Variants in BABAM2 observed in about 807,000 individuals in gnomAD.
BABAM2 encodes BRISC and BRCA1 A complex member 2.
BABAM2 carries 31 observed loss-of-function variants against 54.7 expected under a neutral mutation model. That is an observed-to-expected ratio of 0.57 (90% CI 0.43 to 0.77). BABAM2 has a LOEUF of 0.77. BABAM2 is among the 30% of genes least tolerant of loss of function. The pLI is 0.00. For missense variants in BABAM2, 364 were observed against 455.8 expected (o/e 0.80, Z 1.83); for synonymous variants, 167 against 162.9 (o/e 1.03, Z -0.19).
At chr2:27,925,678 C>T (rs968493695) in intron 2 of BABAM2, among the ~76,000 whole-genome samples, 4 of 152,190 alleles carry the variant, frequency 2.6e-5, no homozygotes, top group South Asian at 2.1e-4. Flanking sequence ...GGCAGCAGAG[C>T]TCCTCATCCC....
chr2:28,205,876 A>G (rs1351336563), intron 7 of BABAM2, among the ~76,000 whole-genome samples: 1 of 152,238 alleles, frequency 6.6e-6, no homozygotes, highest in Non-Finnish European at 1.5e-5. Context: ...AATGGCTTTT[A>G]TCAATACTTC....
chr2:28,073,970 T>C (rs1033586144), intron 6 of BABAM2, among the ~76,000 whole-genome samples: 1 of 152,120 alleles, frequency 6.6e-6, no homozygotes, highest in Non-Finnish European at 1.5e-5. Context: ...TATATAAATA[T>C]ATTTACATAT....
At chr2:28,203,241 C>T (rs1253341846) in intron 7 of BABAM2, among the ~76,000 whole-genome samples, 1 of 152,202 alleles carries the variant, frequency 6.6e-6, no homozygotes, top group Non-Finnish European at 1.5e-5. Context: ...AAGAAAAGGA[C>T]TCACTTTACT....
At chr2:28,107,287 C>A (rs931995189) in intron 6 of BABAM2, among the ~76,000 whole-genome samples, 1 of 152,182 alleles carries the variant, frequency 6.6e-6, no homozygotes, top group East Asian at 1.9e-4. Context: ...CTTCTTGAAT[C>A]CAGCCTTCCA....
intron 4 of BABAM2, among the ~76,000 whole-genome samples, chr2:28,001,205 A>G (rs1252922677): frequency 2.0e-5 from 3 of 152,172 alleles, no homozygotes; most frequent in East Asian, 1.9e-4. Flanking sequence ...ACTCTTATCT[A>G]CTTCCACATG....
Position 27,915,077 on chromosome 2 carries a change from T to G in BABAM2, c.129-14755T>G, listed in dbSNP as rs554849480. Among the ~76,000 whole-genome samples, 5 of 152,276 alleles carry G rather than the reference T, an allele frequency of 3.3e-5. No individual in the cohort carries two copies. The East Asian group carries it at 9.7e-4, about 29-fold the overall frequency. On this transcript the variant is annotated intron_variant, in intron 2 of 11. Transcript: ENST00000379624. ...ATGATGGGCTCCATTAGATTTGCTT[T>G]AGGACACTGGAAAATTATTTTACTG...
intron 7 of BABAM2, among the ~76,000 whole-genome samples, chr2:28,215,044 C>G (rs578164837): frequency 6.6e-6 from 1 of 152,096 alleles, no homozygotes; most frequent in South Asian, 2.1e-4. Flanking sequence ...TAGACTAGAC[C>G]TTAGTCAGTT....
chr2:28,070,643 G>A (rs939935520), intron 6 of BABAM2, among the ~76,000 whole-genome samples: 11 of 150,840 alleles, frequency 7.3e-5, no homozygotes, highest in African/African-American at 2.4e-4. Flanking sequence ...TCCGCCTCCC[G>A]GGTTCACGCC....
intron 2 of BABAM2, among the ~76,000 whole-genome samples, chr2:27,904,389 C>T (rs1191189047): frequency 6.6e-6 from 1 of 152,146 alleles, no homozygotes; most frequent in African/African-American, 2.4e-5. Context: ...TATATGCATC[C>T]ATATGGGCAC....
chr2:28,163,651 T>A (rs1375671405), intron 7 of BABAM2, among the ~76,000 whole-genome samples: 1 of 152,046 alleles, frequency 6.6e-6, no homozygotes, highest in Non-Finnish European at 1.5e-5. Context: ...GCAAGAGAAG[T>A]TGTGAACCCA....
At chr2:27,965,255 A>G (rs555219863) in intron 3 of BABAM2, among the ~76,000 whole-genome samples, 2 of 152,288 alleles carry the variant, frequency 1.3e-5, no homozygotes, top group African/African-American at 4.8e-5. Context: ...TTTCAACGTA[A>G]ATTATATTGG....
intron 6 of BABAM2, among the ~76,000 whole-genome samples, chr2:28,109,266 G>A (rs1018435280): frequency 3.7e-5 from 5 of 136,648 alleles, no homozygotes; most frequent in East Asian, 2.1e-4. Context: ...TTGGCTCACC[G>A]CAAGCTCCAC....
At chr2:28,126,331 C>A (rs1669532748) in intron 6 of BABAM2, among the ~76,000 whole-genome samples, 2 of 128,172 alleles carry the variant, frequency 1.6e-5, no homozygotes, top group African/African-American at 6.1e-5. Flanking sequence ...GTGTGATGTT[C>A]CCCTTCCTGT....
intron 8 of BABAM2, among the ~76,000 whole-genome samples, chr2:28,237,945 G>A (rs918911764): frequency 2.0e-5 from 3 of 152,074 alleles, no homozygotes; most frequent in African/African-American, 7.2e-5. Context: ...CTCCTCCCGG[G>A]TTCAAGCGAT....
intron 5 of BABAM2, among the ~76,000 whole-genome samples, chr2:28,026,843 A>ATATATATAGAT (rs1675759919): frequency 1.2e-4 from 5 of 40,640 alleles, no homozygotes; most frequent in African/African-American, 4.1e-4. Context: ...AATATATATA[A>ATATATATAGAT]ATATATATTT....
At chr2:28,155,341 G>A (rs1045174238) in intron 7 of BABAM2, among the ~76,000 whole-genome samples, 1 of 152,078 alleles carries the variant, frequency 6.6e-6, no homozygotes, top group Non-Finnish European at 1.5e-5. Flanking sequence ...ATAAAATGAA[G>A]AACAGTTAGT....
chr2:27,889,588 A>G (rs1277517253), upstream of BABAM2, among the ~76,000 whole-genome samples: 2 of 152,180 alleles, frequency 1.3e-5, no homozygotes, highest in African/African-American at 4.8e-5. Context: ...CTAACTCAAC[A>G]ATTTTCATTT....
At chr2:28,127,449 A>G (rs1669653163) in intron 6 of BABAM2, among the ~76,000 whole-genome samples, 1 of 152,152 alleles carries the variant, frequency 6.6e-6, no homozygotes, top group South Asian at 2.1e-4. Context: ...GGTAAGTGGA[A>G]GAGAAGGGAA....
Position 28,273,552 on chromosome 2 carries a change from C to G in BABAM2, c.935-24786C>G, listed in dbSNP as rs184024626. Among the ~76,000 whole-genome samples the G allele has an allele frequency of 1.2e-4, 19 of 152,240 alleles. No individual in the cohort carries two copies. The East Asian group carries it at 3.7e-3, about 29-fold the overall frequency. ...TGGCCAACATAGTGAAACCCCGTGTCTACTAAAAATACAAAAATTAGCTGC... is the reference window on the plus strand; with the variant it reads ...TGGCCAACATAGTGAAACCCCGTGTGTACTAAAAATACAAAAATTAGCTGC... On this transcript the variant is annotated intron_variant, in intron 10 of 11. Coordinates refer to ENST00000379624, the MANE Select transcript of BABAM2 (RefSeq NM_199191.3).
Sources: gnomAD v4.1 joint callset for allele counts (sites outside exome capture counted in the v4.1 genomes callset) on GRCh38, gnomAD v4.1.1 for gene constraint, MANE v1.5 for transcripts, NCBI Gene and HGNC (gene_info 2026-07-23, HGNC 2026-07-21) for gene names.